Variants in CSMD3 observed in about 807,000 individuals in gnomAD.
CSMD3 encodes CUB and Sushi multiple domains 3.
Under a neutral mutation model 435.2 loss-of-function variants are expected in CSMD3, and 177 were observed. The observed-to-expected ratio is 0.41, with a 90% confidence interval of 0.36 to 0.46. The LOEUF is 0.46. Among genes scored for constraint, CSMD3 ranks in the 20% least tolerant of loss-of-function variants. CSMD3 has a pLI of 0.34. For missense variants in CSMD3, 4,265 were observed against 4,504.6 expected (o/e 0.95, Z 1.52); for synonymous variants, 1,656 against 1,520.5 (o/e 1.09, Z -2.07).
At chr8:113,137,643 T>C (rs1414130312) in intron 4 of CSMD3, among the ~76,000 whole-genome samples, 7 of 151,636 alleles carry the variant, frequency 4.6e-5, no homozygotes, top group East Asian at 1.9e-4. Flanking sequence ...AGGAGAAACA[T>C]GTGTCTTCAC....
Position 113,436,555 on chromosome 8 carries a change from C to CT in CSMD3, c.178+121dup, listed in dbSNP as rs2094707258. The stretch of plus-strand genomic sequence containing the variant: ...GGGGGGAGAACGAGCTGTGAATCAA[C>CT]TCCTTTAGTATTATCAGATTATTTT... On this transcript the variant is annotated intron_variant, in intron 1 of 70. Coordinates refer to ENST00000297405, the MANE Select transcript of CSMD3 (RefSeq NM_198123.2). 3.0e-5 allele frequency: 28 copies of CT among 923,658 alleles called. 1 individual carries two copies. Among genetic ancestry groups the CT allele is most frequent in the Non-Finnish European group, 4.5e-5 (26 of 577,434 alleles). 57.2% of individuals were successfully genotyped at this position (923,658 alleles called of 1,614,324 possible).
intron 13 of CSMD3, among the ~76,000 whole-genome samples, chr8:112,782,847 T>G (rs1045793139): frequency 1.3e-5 from 2 of 151,754 alleles, no homozygotes; most frequent in African/African-American, 4.8e-5. Flanking sequence ...CCAGTGAAAA[T>G]AACCTTCAAA....
intron 30 of CSMD3, among the ~76,000 whole-genome samples, chr8:112,494,494 CCTTTCTTTCTTTCTTT>C (rs66517203): frequency 0.022 from 867 of 40,162 alleles, 21 homozygotes; most frequent in Middle Eastern, 0.037. Flanking sequence ...TTCTTTCTCT[CCTTTCTTTCTTTCTTT>C]CTTTCTTTCT....
At chr8:112,771,308 G>A (rs2078108153) in intron 13 of CSMD3, among the ~76,000 whole-genome samples, 2 of 152,054 alleles carry the variant, frequency 1.3e-5, no homozygotes, top group Admixed American at 1.3e-4. Context: ...GGGAGGTCAA[G>A]GTGGGCATTC....
intron 35 of CSMD3, among the ~76,000 whole-genome samples, chr8:112,403,418 C>T (rs1351294078): frequency 6.6e-6 from 1 of 152,124 alleles, no homozygotes; most frequent in Non-Finnish European, 1.5e-5. Context: ...AGCATGGAAT[C>T]GGGCTCTTTT....
intron 32 of CSMD3, among the ~76,000 whole-genome samples, chr8:112,412,859 T>C (rs974261262): frequency 4.6e-5 from 7 of 152,172 alleles, no homozygotes; most frequent in African/African-American, 1.7e-4. Flanking sequence ...TTAATTATAT[T>C]TCTGTTTATT....
chr8:113,419,500 C>G (rs1046841186), intron 1 of CSMD3, among the ~76,000 whole-genome samples: 7 of 152,038 alleles, frequency 4.6e-5, no homozygotes, highest in Admixed American at 3.3e-4. Context: ...AAGGACTAGT[C>G]TGCATAAAAA....
At chr8:112,449,254 T>C (rs1815988579) in intron 32 of CSMD3, among the ~76,000 whole-genome samples, 1 of 152,092 alleles carries the variant, frequency 6.6e-6, no homozygotes, top group South Asian at 2.1e-4. Flanking sequence ...AGGTAATTCA[T>C]GAGAAAGGAA....
intron 3 of CSMD3, among the ~76,000 whole-genome samples, chr8:113,184,366 C>G (rs1040750563): frequency 1.3e-5 from 2 of 151,942 alleles, no homozygotes; most frequent in Non-Finnish European, 2.9e-5. Context: ...TTTAGACCCT[C>G]TCCCCTCCTT....
chr8:112,526,040 G>A (rs1433139661), intron 27 of CSMD3, among the ~76,000 whole-genome samples: 1 of 149,918 alleles, frequency 6.7e-6, no homozygotes, highest in Non-Finnish European at 1.5e-5. Flanking sequence ...TCACACTTAA[G>A]TGTCTTCCTG....
intron 4 of CSMD3, among the ~76,000 whole-genome samples, chr8:113,165,492 A>T (rs1200531952): frequency 6.6e-6 from 1 of 152,184 alleles, no homozygotes; most frequent in African/African-American, 2.4e-5. Flanking sequence ...AAAAGACTCA[A>T]AGTTACACAG....
intron 20 of CSMD3, among the ~76,000 whole-genome samples, chr8:112,641,836 A>AC (rs200386495): frequency 0.015 from 2,291 of 152,188 alleles, 52 homozygotes; most frequent in African/African-American, 0.053. Flanking sequence ...GAAAAACATA[A>AC]AAAACAAACA....
At position 112,685,620 on chromosome 8, in the gene CSMD3, C is replaced by T. The variant is rs769290304; in HGVS notation, c.2268G>A (p.Gly756=). The T allele has an allele frequency of 6.2e-7, 1 of 1,613,608 alleles. No individual in the cohort carries two copies. The highest frequency in any genetic ancestry group is 8.5e-7 in the Non-Finnish European group (1 of 1,179,622). The stretch of plus-strand genomic sequence containing the variant: ...CATTGAAAGAAAGATGTATCCGGCT[C>T]CCTGGATCAGAGATTATCGTCCAGA... ...NCIWTIISDP[G]SRIHLSFNDF... is the part of the protein sequence containing the mutation. Residue 756 remains glycine, a synonymous_variant, in exon 15 of 71, where the codon GGG becomes GGA. Coordinates refer to ENST00000297405, the MANE Select transcript of CSMD3 (RefSeq NM_198123.2).
At chr8:112,926,218 G>A (rs2082904350) in intron 9 of CSMD3, among the ~76,000 whole-genome samples, 1 of 150,070 alleles carries the variant, frequency 6.7e-6, no homozygotes, top group South Asian at 2.1e-4. Flanking sequence ...TCAAACTTAA[G>A]AAAAACTTAC....
chr8:112,830,672 T>C (rs894038144), intron 11 of CSMD3, among the ~76,000 whole-genome samples: 1 of 151,924 alleles, frequency 6.6e-6, no homozygotes, highest in East Asian at 1.9e-4. Context: ...TATGAGAGAA[T>C]AAATGAAGAA....
intron 5 of CSMD3, among the ~76,000 whole-genome samples, chr8:113,038,828 T>C (rs928724925): frequency 2.6e-5 from 4 of 152,204 alleles, no homozygotes; most frequent in Non-Finnish European, 2.9e-5. Context: ...TCCAAACTTA[T>C]AGTATTTGTA....
chr8:113,368,066 A>T (rs2094324225), intron 1 of CSMD3, among the ~76,000 whole-genome samples: 1 of 152,122 alleles, frequency 6.6e-6, no homozygotes, highest in South Asian at 2.1e-4. Flanking sequence ...AGAATGAAAA[A>T]ATTAACTACA....
chr8:112,920,706 T>G (rs530659231), intron 10 of CSMD3, among the ~76,000 whole-genome samples: 1 of 151,994 alleles, frequency 6.6e-6, no homozygotes, highest in South Asian at 2.1e-4. Context: ...AATTACTTAT[T>G]AAAACTCAAC....
intron 10 of CSMD3, among the ~76,000 whole-genome samples, chr8:112,869,866 AC>A (rs2130022745): frequency 6.6e-6 from 1 of 152,174 alleles, no homozygotes; most frequent in East Asian, 1.9e-4. Context: ...GGAACATTGC[AC>A]ACCCGGGCCT....
Sources: allele counts gnomAD v4.1 joint callset (sites outside exome capture counted in the v4.1 genomes callset), GRCh38; gene constraint gnomAD v4.1.1; transcripts MANE v1.5; gene names NCBI Gene and HGNC (gene_info 2026-07-23, HGNC 2026-07-21).